SESN3: variants seen among roughly 807,000 people sequenced by gnomAD.
SESN3 encodes the protein sestrin-3.
SESN3 carries 21 observed loss-of-function variants against 55.3 expected under a neutral mutation model. The ratio of observed to expected loss-of-function variants is 0.38; its 90% CI spans 0.27 to 0.55. The LOEUF (loss-of-function observed/expected upper bound fraction) is 0.55, where lower values mean the gene tolerates loss of function less well. SESN3 is among the 20% of genes least tolerant of loss of function. The probability of loss-of-function intolerance (pLI) is 0.76; values close to 1 mark genes in which losing one functional copy is unlikely to be tolerated. For synonymous variants in SESN3, 181 were observed against 203.1 expected (o/e 0.89, Z 0.93); for missense variants, 408 against 604.3 (o/e 0.68, Z 3.41).
In SESN3 at chr11:95,171,062, A is replaced by AT. The variant is rs1859840708; in HGVS notation, c.*2192dup. The AT allele has an allele frequency of 6.6e-6, 1 of 152,044 alleles. No homozygotes were observed. Among genetic ancestry groups the AT allele is most frequent in the South Asian group, 2.1e-4 (1 of 4,828 alleles). The allele number at this position is 152,044 out of a possible 1,614,324, so 9.4% of individuals were successfully genotyped here. Reference sequence around the variant, plus strand: ...TCCTCCTTTTCAATACATACAAATCATTTTTTATCCTGTTATACAGTTCGC... The same window carrying AT: ...TCCTCCTTTTCAATACATACAAATCATTTTTTTATCCTGTTATACAGTTCGC... On this transcript the variant is annotated 3_prime_UTR_variant, in exon 10 of 10. Transcript: ENST00000536441.
At position 95,202,741 on chromosome 11, in the gene SESN3, C is replaced by T. The variant is rs536873394; in HGVS notation, c.79-9219G>A. Among the ~76,000 whole-genome samples the T allele has an allele frequency of 9.9e-5, 15 of 152,156 alleles. No homozygotes were observed. The South Asian group carries it at 3.1e-3, about 32-fold the overall frequency. On this transcript the variant is annotated intron_variant, in intron 1 of 9. Transcript: ENST00000536441. Reference sequence around the variant, plus strand: ...AGATAATGCAAGTCCATAATAAGCACTTAACTATTGCTTCCTTAGTAACAT... The same window carrying T: ...AGATAATGCAAGTCCATAATAAGCATTTAACTATTGCTTCCTTAGTAACAT...
chr11:95,177,151 C>T (rs905934060), intron 8 of SESN3, among the ~76,000 whole-genome samples: 5 of 152,102 alleles, frequency 3.3e-5, no homozygotes, highest in African/African-American at 9.7e-5. Context: ...AAAGTGCTTT[C>T]TTGATTAGAC....
intron 1 of SESN3, among the ~76,000 whole-genome samples, chr11:95,214,292 A>C (rs527980731): frequency 1.7e-4 from 26 of 152,354 alleles, no homozygotes; most frequent in African/African-American, 6.3e-4. Context: ...TATTCACATA[A>C]GTAACATCAA....
intron 6 of SESN3, 89 bp downstream of exon 6, chr11:95,184,331 T>C: frequency 9.6e-7 from 1 of 1,044,134 alleles, no homozygotes; most frequent in Non-Finnish European, 1.5e-6. Context: ...GGTAGCAGAA[T>C]CATTTTTACA....
At chr11:95,204,790 T>G (rs781103773) in intron 1 of SESN3, 2 of 152,202 alleles carry the variant, frequency 1.3e-5, no homozygotes, top group East Asian at 3.8e-4. Flanking sequence ...CACCCAGTCT[T>G]TGGTTTTTGT....
chr11:95,204,016 T>A (rs185153292), intron 1 of SESN3: 2 of 152,664 alleles, frequency 1.3e-5, no homozygotes, highest in African/African-American at 4.8e-5. Context: ...TTGCTGCAAA[T>A]TCAAAAAGTT....
At chr11:95,217,532 A>C (rs948939885) in intron 1 of SESN3, among the ~76,000 whole-genome samples, 4 of 151,406 alleles carry the variant, frequency 2.6e-5, no homozygotes, top group African/African-American at 9.7e-5. Context: ...GGCACCTGTA[A>C]TCCCAGCTAC....
chr11:95,202,466 G>T (rs1565470423), intron 1 of SESN3, among the ~76,000 whole-genome samples: 2 of 151,840 alleles, frequency 1.3e-5, no homozygotes, highest in Non-Finnish European at 2.9e-5. Context: ...ATGCCTATTT[G>T]TTTATTTTCT....
chr11:95,217,037 T>C (rs11021082), intron 1 of SESN3, among the ~76,000 whole-genome samples: 78,847 of 149,786 alleles, frequency 0.53, 20,703 homozygotes, highest in East Asian at 0.63. Context: ...ACCCTGGAGG[T>C]GGGGGTTGCA....
chr11:95,191,358 A>G (rs769725033), intron 3 of SESN3, 46 bp downstream of exon 3: 7 of 1,400,750 alleles, frequency 5.0e-6, no homozygotes, highest in East Asian at 4.6e-5. Context: ...GGGAGAAAGA[A>G]TAAGTGAGGA....
chr11:95,186,508 T>G (rs1412431420), intron 4 of SESN3, among the ~76,000 whole-genome samples: 1 of 151,748 alleles, frequency 6.6e-6, no homozygotes, highest in Non-Finnish European at 1.5e-5. Context: ...AAGAACAAAA[T>G]TATAGCTAGA....
At chr11:95,194,799 C>T (rs1258626136) in intron 1 of SESN3, among the ~76,000 whole-genome samples, 1 of 151,950 alleles carries the variant, frequency 6.6e-6, no homozygotes, top group Admixed American at 6.6e-5. Flanking sequence ...TTTTGCTAGT[C>T]TCCATAAGAT....
Position 95,167,832 on chromosome 11 carries a change from T to C in SESN3, c.*5423A>G, listed in dbSNP as rs951250147. 4 of 152,228 alleles carry C rather than the reference T, an allele frequency of 2.6e-5. No individual in the cohort carries two copies. Among genetic ancestry groups the C allele is most frequent in the African/African-American group, 9.6e-5 (4 of 41,472 alleles). The allele number at this position is 152,228 out of a possible 1,614,324, so 9.4% of individuals were successfully genotyped here. On this transcript the variant is annotated 3_prime_UTR_variant, in exon 10 of 10. Coordinates refer to ENST00000536441, the MANE Select transcript of SESN3 (RefSeq NM_144665.4). ...ATTTATGAACAACCTCAAGTGCACC[T>C]AGCTGGAGAGAAGAACTATTACATC...
chr11:95,222,921 G>A (rs1461458658), intron 1 of SESN3, among the ~76,000 whole-genome samples: 3 of 152,114 alleles, frequency 2.0e-5, no homozygotes, highest in East Asian at 1.9e-4. Context: ...ATGACTAAAC[G>A]TTTTGACTTG....
At chr11:95,224,234 G>C (rs1860910132) in intron 1 of SESN3, among the ~76,000 whole-genome samples, 1 of 152,090 alleles carries the variant, frequency 6.6e-6, no homozygotes, top group African/African-American at 2.4e-5. Context: ...TCTTCTTAAA[G>C]GTTAATTGCA....
rs940471478 is a variant in SESN3, at chr11:95,170,224, G to A, written c.*3031C>T. The A allele has an allele frequency of 1.3e-5, 2 of 152,078 alleles. No individual in the cohort carries two copies. Among genetic ancestry groups the A allele is most frequent in the South Asian group, 4.2e-4 (2 of 4,818 alleles). The allele number at this position is 152,078 out of a possible 1,614,324, so 9.4% of individuals were successfully genotyped here. A position where few individuals can be genotyped will look rare whatever the true frequency, so the allele number is the denominator to read the frequency against. ...GCCTGGCTACTCCCATAGTCAGGTG[G>A]GTTAAAGAACAGATTATTTTCAGGT... On this transcript the variant is annotated 3_prime_UTR_variant, in exon 10 of 10. Coordinates refer to ENST00000536441, the MANE Select transcript of SESN3 (RefSeq NM_144665.4).
chr11:95,227,029 G>A (rs1240471900), intron 1 of SESN3, among the ~76,000 whole-genome samples: 1 of 152,100 alleles, frequency 6.6e-6, no homozygotes, highest in African/African-American at 2.4e-5. Flanking sequence ...TCAAAAATAT[G>A]TAACACAAGA....
At chr11:95,226,929 C>G (rs1860957526) in intron 1 of SESN3, among the ~76,000 whole-genome samples, 1 of 152,140 alleles carries the variant, frequency 6.6e-6, no homozygotes. Context: ...AGTTTGAAAA[C>G]CATTGCATAA....
At chr11:95,215,976 T>C (rs1316114235) in intron 1 of SESN3, among the ~76,000 whole-genome samples, 1 of 151,688 alleles carries the variant, frequency 6.6e-6, no homozygotes, top group Non-Finnish European at 1.5e-5. Context: ...TGGGCGCCTG[T>C]AGTCCCAGCT....
Sources: gnomAD v4.1 joint callset for allele counts (sites outside exome capture counted in the v4.1 genomes callset) on GRCh38, gnomAD v4.1.1 for gene constraint, MANE v1.5 for transcripts, NCBI Gene and HGNC (gene_info 2026-07-23, HGNC 2026-07-21) for gene names.